The following EPHB2 variants were observed in gnomAD, a reference collection of about 807,000 sequenced individuals.
The protein encoded by EPHB2 is EPH receptor B2.
In EPHB2, 18 loss-of-function variants were observed where a neutral mutation model predicts 96.4. That is an observed-to-expected ratio of 0.19 (90% confidence interval 0.13 to 0.28). The LOEUF is 0.28. Among genes scored for constraint, EPHB2 ranks in the 10% least tolerant of loss-of-function variants. The pLI, the probability that EPHB2 is intolerant of heterozygous loss-of-function variation, is 1.00. For missense variants in EPHB2, 989 were observed against 1,355.4 expected, an observed-to-expected ratio of 0.73 and a Z score of 4.25; for synonymous variants, 506 against 534.1, an observed-to-expected ratio of 0.95 and a Z score of 0.72.
intron 1 of EPHB2, among the ~76,000 whole-genome samples, chr1:22,740,834 C>T (rs2148364837): frequency 6.6e-6 from 1 of 151,702 alleles, no homozygotes; most frequent in East Asian, 2.0e-4. Flanking sequence ...TGGCCTTGTA[C>T]TCATTTCTTC....
chr1:22,849,203 T>C (rs537380510), intron 3 of EPHB2, among the ~76,000 whole-genome samples: 1 of 152,320 alleles, frequency 6.6e-6, no homozygotes, highest in South Asian at 2.1e-4. Flanking sequence ...TTGTTACTGC[T>C]GAGCTGAATG....
chr1:22,775,170 C>T (rs1343116107), intron 1 of EPHB2: 4 of 779,520 alleles, frequency 5.1e-6, no homozygotes, highest in South Asian at 2.7e-5. Flanking sequence ...GCCATGGCAT[C>T]TTAAAAATAA....
intron 5 of EPHB2, among the ~76,000 whole-genome samples, chr1:22,866,434 G>A (rs909985099): frequency 2.0e-5 from 3 of 151,996 alleles, no homozygotes; most frequent in Non-Finnish European, 2.9e-5. Flanking sequence ...AGGACCAGTC[G>A]AAATTTTTTC....
At chr1:22,751,231 G>A (rs950819839) in intron 1 of EPHB2, among the ~76,000 whole-genome samples, 6 of 152,188 alleles carry the variant, frequency 3.9e-5, no homozygotes, top group Non-Finnish European at 5.9e-5. Flanking sequence ...GTCACACAGC[G>A]AGTGAGCCTG....
chr1:22,809,126 T>C (rs1570317545), intron 3 of EPHB2, among the ~76,000 whole-genome samples: 1 of 152,226 alleles, frequency 6.6e-6, no homozygotes, highest in East Asian at 1.9e-4. Flanking sequence ...GCAGGCCCTT[T>C]TAAGTCCCCT....
At chr1:22,732,042 C>T (rs965759699) in intron 1 of EPHB2, among the ~76,000 whole-genome samples, 1 of 152,208 alleles carries the variant, frequency 6.6e-6, no homozygotes, top group African/African-American at 2.4e-5. Flanking sequence ...CCCCCTCTAG[C>T]GGAGGAGATT....
At chr1:22,840,815 A>T (rs1290888679) in intron 3 of EPHB2, among the ~76,000 whole-genome samples, 1 of 152,208 alleles carries the variant, frequency 6.6e-6, no homozygotes, top group Non-Finnish European at 1.5e-5. Context: ...TTCCGTGCAG[A>T]CACATTATCC....
intron 6 of EPHB2, among the ~76,000 whole-genome samples, chr1:22,891,512 C>A (rs1011015375): frequency 6.6e-6 from 1 of 152,234 alleles, no homozygotes; most frequent in Non-Finnish European, 1.5e-5. Context: ...GAACCCCAGT[C>A]CCAGCCTAGT....
At chr1:22,788,638 G>A (rs1644645606) in intron 3 of EPHB2, among the ~76,000 whole-genome samples, 1 of 152,184 alleles carries the variant, frequency 6.6e-6, no homozygotes, top group South Asian at 2.1e-4. Flanking sequence ...GTTGGTTAAA[G>A]TGCAGGTTTC....
intron 1 of EPHB2, among the ~76,000 whole-genome samples, chr1:22,753,799 G>C (rs1234531462): frequency 2.0e-5 from 3 of 151,614 alleles, no homozygotes; most frequent in African/African-American, 7.3e-5. Flanking sequence ...TATCATCCCA[G>C]TATTTATCTA....
intron 1 of EPHB2, among the ~76,000 whole-genome samples, chr1:22,741,937 CTG>C (rs1643909681): frequency 6.6e-6 from 1 of 152,114 alleles, no homozygotes; most frequent in South Asian, 2.1e-4. Context: ...TGAACTAGTT[CTG>C]TGTCTCCAGT....
At chr1:22,805,579 G>T (rs1214790095) in intron 3 of EPHB2, among the ~76,000 whole-genome samples, 1 of 152,178 alleles carries the variant, frequency 6.6e-6, no homozygotes, top group Non-Finnish European at 1.5e-5. Context: ...AGACAGCTGG[G>T]CTGGAGGGGA....
intron 1 of EPHB2, among the ~76,000 whole-genome samples, chr1:22,755,901 A>G (rs1217519851): frequency 6.6e-6 from 1 of 152,112 alleles, no homozygotes; most frequent in African/African-American, 2.4e-5. Flanking sequence ...CTGTGCCTGC[A>G]ATTTGTGTGG....
rs1640143941 is a variant in EPHB2 at position 22,912,600 on chromosome 1, G to A, written c.2852+1G>A. Reference sequence around the variant, plus strand: ...ACGTCGTGTCTCAGATGATGATGGAGTAAGTGCCCAGCCACTTCTGCTTGT... The same window carrying A: ...ACGTCGTGTCTCAGATGATGATGGAATAAGTGCCCAGCCACTTCTGCTTGT... On this transcript the variant is annotated splice_donor_variant, in intron 15 of 15. Coordinates refer to ENST00000374630, the MANE Select transcript of EPHB2 (RefSeq NM_017449.5). LOFTEE classifies it high-confidence loss of function. The A allele has an allele frequency of 1.2e-6, 2 of 1,613,556 alleles. No individual in the cohort carries two copies. The highest frequency in any genetic ancestry group is 1.7e-6 in the Non-Finnish European group (2 of 1,180,030).
intron 3 of EPHB2, among the ~76,000 whole-genome samples, chr1:22,831,385 A>G (rs1250273468): frequency 6.6e-6 from 1 of 152,144 alleles, no homozygotes; most frequent in Non-Finnish European, 1.5e-5. Flanking sequence ...AGCATTTTGC[A>G]CAAAAACTCA....
chr1:22,915,214 G>T lies in EPHB2; in HGVS notation c.*1644G>T, dbSNP rs962853656. On this transcript the variant is annotated 3_prime_UTR_variant, in exon 16 of 16. Coordinates refer to ENST00000374630, the MANE Select transcript of EPHB2 (RefSeq NM_017449.5). ...TGGGCCTAAAGGTCTTGGCCATGGG[G>T]ACGCCCTCAGTCTAGGGATCTGGCC... 1 of 152,196 alleles carries T rather than the reference G, an allele frequency of 6.6e-6. No individual in the cohort carries two copies. Among genetic ancestry groups the T allele is most frequent in the African/African-American group, 2.4e-5 (1 of 41,418 alleles). 9.4% of individuals were successfully genotyped at this position (152,196 alleles called of 1,614,324 possible).
chr1:22,812,270 C>T (rs928784681), intron 3 of EPHB2, among the ~76,000 whole-genome samples: 2 of 152,344 alleles, frequency 1.3e-5, no homozygotes, highest in South Asian at 2.1e-4. Context: ...AGTGAAGCTG[C>T]GGCCCTGCCC....
rs370041154 is a variant in EPHB2 at position 22,896,497 on chromosome 1, G to A, written c.1765+19G>A. On this transcript the variant is annotated intron_variant, in intron 9 of 15. Coordinates refer to ENST00000374630, the MANE Select transcript of EPHB2 (RefSeq NM_017449.5). ...GGCCACAGTATGTACACACCCAAGC[G>A]GGCTGGAACCCTTGGGCCCTTCACT... The A allele has an allele frequency of 3.9e-5, 63 of 1,613,876 alleles. No individual in the cohort carries two copies. The highest frequency in any genetic ancestry group is 1.6e-4 in the Middle Eastern group (1 of 6,080).
intron 3 of EPHB2, among the ~76,000 whole-genome samples, chr1:22,826,281 T>C (rs1431022732): frequency 1.3e-5 from 2 of 152,196 alleles, no homozygotes; most frequent in Admixed American, 1.3e-4. Flanking sequence ...CCCCACGGCC[T>C]TGGGCTTAAG....
Sources: allele counts gnomAD v4.1 joint callset (sites outside exome capture counted in the v4.1 genomes callset), GRCh38; gene constraint gnomAD v4.1.1; transcripts MANE v1.5; gene names NCBI Gene and HGNC (gene_info 2026-07-23, HGNC 2026-07-21).